Variants in PSG3 observed in about 807,000 individuals in gnomAD.
PSG3 encodes pregnancy specific beta-1-glycoprotein 3.
A neutral mutation model predicts 47.5 loss-of-function variants in PSG3; 61 were observed. That is an observed-to-expected ratio of 1.28 (90% CI 1.05 to 1.59). The LOEUF (loss-of-function observed/expected upper bound fraction) is 1.59. Ranked by LOEUF, PSG3 falls within the 40% of genes most tolerant of loss-of-function variation. PSG3 has a pLI of 0.00. For synonymous variants in PSG3, 263 were observed against 198.4 expected, an observed-to-expected ratio of 1.33 and a Z score of -2.74; for missense variants, 756 against 524.0, an observed-to-expected ratio of 1.44 and a Z score of -4.32.
At chr19:42,734,157 G>A (rs1969523003) in intron 2 of PSG3, 1 of 152,212 alleles carries the variant, frequency 6.6e-6, no homozygotes, top group South Asian at 2.1e-4. Flanking sequence ...AGTTATGCAG[G>A]ATGAGGAGGT....
chr19:42,733,366 C>T (rs1225425534), intron 2 of PSG3: 14 of 421,590 alleles, frequency 3.3e-5, no homozygotes, highest in East Asian at 4.3e-5. Context: ...CCCTCCATCT[C>T]GAAGTGCCTG....
chr19:42,733,300 T>A lies in PSG3; in HGVS notation c.431-238A>T, dbSNP rs539281118. 10 of 889,324 alleles carry A rather than the reference T, an allele frequency of 1.1e-5. No homozygotes were observed. In the Admixed American group the frequency reaches 1.8e-4, roughly 16 times the overall value. 55.1% of individuals were successfully genotyped at this position (889,324 alleles called of 1,614,324 possible). A position where few individuals can be genotyped will look rare whatever the true frequency, so the allele number is the denominator to read the frequency against. On this transcript the variant is annotated intron_variant, in intron 2 of 6. Coordinates refer to ENST00000327495, the MANE Select transcript of PSG3 (RefSeq NM_021016.4). ...CTTAACTGTGAATTGAGCAGCAGCATTGGGTCACGGAAAGACACAGGACCA... is the reference window on the plus strand; with the variant it reads ...CTTAACTGTGAATTGAGCAGCAGCAATGGGTCACGGAAAGACACAGGACCA...
At chr19:42,727,389 T>C (rs979210752) in intron 5 of PSG3, among the ~76,000 whole-genome samples, 20 of 152,242 alleles carry the variant, frequency 1.3e-4, no homozygotes, top group Admixed American at 3.9e-4. Context: ...CCAGAATACA[T>C]GAAAAGCTAC....
Position 42,729,113 on chromosome 19 carries a change from A to T in PSG3, c.1243+10T>A, listed in dbSNP as rs568578165. 2.5e-6 allele frequency: 4 copies of T among 1,613,976 alleles called. No individual in the cohort carries two copies. The highest frequency in any genetic ancestry group is 4.5e-5 in the East Asian group (2 of 44,888). ...AAACTCTATTGCCAAGCATGCTGGG[A>T]TCCACTTACCAGAGACTTTGACTGT... On this transcript the variant is annotated intron_variant, in intron 5 of 6. Coordinates refer to ENST00000327495, the MANE Select transcript of PSG3 (RefSeq NM_021016.4).
At chr19:42,725,100 T>A (rs919778065) in intron 5 of PSG3, among the ~76,000 whole-genome samples, 2 of 152,216 alleles carry the variant, frequency 1.3e-5, no homozygotes, top group Admixed American at 1.3e-4. Flanking sequence ...ATTCTAGGAC[T>A]ATTTGACCTC....
intron 3 of PSG3, among the ~76,000 whole-genome samples, chr19:42,730,547 C>A (rs556744716): frequency 6.6e-6 from 1 of 152,310 alleles, no homozygotes; most frequent in African/African-American, 2.4e-5. Context: ...TACTGAGCAG[C>A]CTGGCCTGGG....
chr19:42,736,068 C>T (rs1568754086), intron 2 of PSG3, among the ~76,000 whole-genome samples: 1 of 152,160 alleles, frequency 6.6e-6, no homozygotes, highest in Non-Finnish European at 1.5e-5. Flanking sequence ...ATAATTGTTC[C>T]TCTGTAAAAG....
intron 6 of PSG3, among the ~76,000 whole-genome samples, chr19:42,722,704 G>C (rs1969318210): frequency 6.6e-6 from 1 of 152,008 alleles, no homozygotes; most frequent in Non-Finnish European, 1.5e-5. Context: ...CTGGATTACT[G>C]AGTTCTTGGT....
chr19:42,724,147 C>G (rs1246558773), intron 5 of PSG3, 122 bp from the exon 6 acceptor site: 1 of 1,421,210 alleles, frequency 7.0e-7, no homozygotes, highest in Non-Finnish European at 9.5e-7. Context: ...TACGTTATTT[C>G]TGTTGGAAAA....
intron 1 of PSG3, 23 bp from the exon 2 acceptor site, chr19:42,739,112 G>C (rs1404126631): frequency 6.9e-6 from 11 of 1,584,586 alleles, no homozygotes; most frequent in Non-Finnish European, 9.5e-6. Context: ...GAGAGCATCA[G>C]TCAATATTGA....
intron 2 of PSG3, among the ~76,000 whole-genome samples, chr19:42,734,980 TTTG>T (rs1469326422): frequency 3.3e-5 from 5 of 152,196 alleles, no homozygotes; most frequent in Non-Finnish European, 7.3e-5. Context: ...ATGCCAATGG[TTTG>T]TGTGTCTCCC....
chr19:42,729,092 T>G (rs760289715), intron 5 of PSG3, 31 bp downstream of exon 5: 22 of 1,613,540 alleles, frequency 1.4e-5, no homozygotes, highest in Non-Finnish European at 1.4e-5. Flanking sequence ...CACCTAAAAC[T>G]CTATTGCCAA....
intron 5 of PSG3, among the ~76,000 whole-genome samples, chr19:42,726,687 C>T (rs1198039407): frequency 6.6e-6 from 1 of 152,110 alleles, no homozygotes; most frequent in African/African-American, 2.4e-5. Context: ...TTGGAAGACT[C>T]AATATTGTTA....
intron 4 of PSG3, 138 bp from the exon 5 acceptor site, chr19:42,729,515 G>A: frequency 6.7e-7 from 1 of 1,483,466 alleles, no homozygotes; most frequent in Non-Finnish European, 9.0e-7. Flanking sequence ...TGTTCACTGA[G>A]CTGAAGCCTG....
chr19:42,731,046 C>A (rs989025164), intron 3 of PSG3, among the ~76,000 whole-genome samples: 3 of 152,148 alleles, frequency 2.0e-5, no homozygotes, highest in African/African-American at 7.2e-5. Context: ...CTAGGGACCT[C>A]ATGTAAGTGG....
Position 42,722,346 on chromosome 19 carries a change from G to A in PSG3, c.*41-256C>T, listed in dbSNP as rs181700028. On this transcript the variant is annotated intron_variant, in intron 6 of 6. Transcript: ENST00000327495. ...GTTCACTGCAAGCTCCGCCTCCCGG[G>A]TTCCTGCCATTCTCCTGCCTCAGCC... Among the ~76,000 whole-genome samples the A allele has an allele frequency of 7.1e-3, 1,084 of 152,252 alleles. 16 individuals are homozygous for A. The highest frequency in any genetic ancestry group is 0.025 in the African/African-American group (1,049 of 41,542).
chr19:42,725,409 G>T (rs1267505286), intron 5 of PSG3, among the ~76,000 whole-genome samples: 1 of 152,108 alleles, frequency 6.6e-6, no homozygotes, highest in African/African-American at 2.4e-5. Flanking sequence ...GAAAAATAAG[G>T]ATTAGAGTGG....
chr19:42,738,602 C>G, intron 2 of PSG3, 122 bp downstream of exon 2: 1 of 1,584,316 alleles, frequency 6.3e-7, no homozygotes, highest in South Asian at 1.1e-5. Flanking sequence ...ACTAAATGCC[C>G]AAACCCCAGC....
At chr19:42,734,439 T>C (rs1194573812) in intron 2 of PSG3, among the ~76,000 whole-genome samples, 2 of 152,206 alleles carry the variant, frequency 1.3e-5, no homozygotes, top group Non-Finnish European at 2.9e-5. Flanking sequence ...ATGCTCAATT[T>C]GTAATACTGT....
Sources: allele counts gnomAD v4.1 joint callset (sites outside exome capture counted in the v4.1 genomes callset), GRCh38; gene constraint gnomAD v4.1.1; transcripts MANE v1.5; gene names NCBI Gene and HGNC (gene_info 2026-07-23, HGNC 2026-07-21).